ATG13: variants seen among roughly 807,000 people sequenced by gnomAD.
ATG13 encodes the protein autophagy-related protein 13.
A neutral mutation model predicts 65.5 loss-of-function variants in ATG13; 23 were observed. The observed-to-expected ratio is 0.35, with a 90% CI of 0.25 to 0.50. The LOEUF (loss-of-function observed/expected upper bound fraction) is 0.50, where lower values mean the gene tolerates loss of function less well. Ranked by LOEUF, ATG13 falls within the 20% of genes least tolerant of loss-of-function variation. ATG13 has a pLI of 0.98. For synonymous variants in ATG13, 252 were observed against 245.2 expected (o/e 1.03, Z -0.26); for missense variants, 566 against 677.0 (o/e 0.84, Z 1.82).
chr11:46,643,202 A>G (rs2056605888), intron 2 of ATG13, among the ~76,000 whole-genome samples: 1 of 152,272 alleles, frequency 6.6e-6, no homozygotes, highest in Admixed American at 6.5e-5. Context: ...GAGGGAGTTC[A>G]GGGGTTGGGG....
intron 2 of ATG13, among the ~76,000 whole-genome samples, chr11:46,636,107 G>C (rs904185518): frequency 6.6e-6 from 1 of 152,046 alleles, no homozygotes; most frequent in Non-Finnish European, 1.5e-5. Context: ...CAGTAGGTAA[G>C]TCATTTATAG....
intron 1 of ATG13, among the ~76,000 whole-genome samples, chr11:46,622,625 T>C (rs2048114335): frequency 6.6e-6 from 1 of 152,164 alleles, no homozygotes; most frequent in African/African-American, 2.4e-5. Context: ...GAAAAAAATA[T>C]AATCCATGGT....
intron 1 of ATG13, among the ~76,000 whole-genome samples, chr11:46,620,592 A>G (rs1591361443): frequency 6.6e-6 from 1 of 151,900 alleles, no homozygotes; most frequent in East Asian, 2.0e-4. Flanking sequence ...CTTGGGCAAC[A>G]TGGAGAAACC....
intron 7 of ATG13, among the ~76,000 whole-genome samples, chr11:46,653,871 G>A (rs1214464220): frequency 1.3e-5 from 2 of 152,110 alleles, no homozygotes; most frequent in South Asian, 2.1e-4. Context: ...GCCTGGCGAA[G>A]CTTCTTCATA....
chr11:46,656,216 T>C lies in ATG13; in HGVS notation c.459-17T>C. ...GTAAAGAATCAGGTAACATTTCTTATTTTTTCTTCCATACAGGATATATTT... is the reference window on the plus strand; with the variant it reads ...GTAAAGAATCAGGTAACATTTCTTACTTTTTCTTCCATACAGGATATATTT... On this transcript the variant is annotated splice_polypyrimidine_tract_variant and intron_variant, in intron 7 of 18. Coordinates refer to ENST00000683050, the MANE Select transcript of ATG13 (RefSeq NM_001346311.2). The C allele has an allele frequency of 1.2e-6, 2 of 1,609,838 alleles. No individual in the cohort carries two copies. Among genetic ancestry groups the C allele is most frequent in the Admixed American group, 1.7e-5 (1 of 59,834 alleles).
At chr11:46,634,686 C>T (rs987856056) in intron 2 of ATG13, among the ~76,000 whole-genome samples, 5 of 151,462 alleles carry the variant, frequency 3.3e-5, no homozygotes, top group African/African-American at 9.7e-5. Flanking sequence ...TGATCCACTG[C>T]GCCCAGCCTA....
At chr11:46,661,512 C>G (rs970772461) in intron 11 of ATG13, among the ~76,000 whole-genome samples, 4 of 110,058 alleles carry the variant, frequency 3.6e-5, no homozygotes, top group African/African-American at 8.9e-5. Context: ...AGTGAGACTC[C>G]GTCTCAAAAA....
rs145087207 is a variant in ATG13, at chr11:46,623,265, G to T, written c.-70+5375G>T. Among the ~76,000 whole-genome samples the T allele has an allele frequency of 6.3e-3, 960 of 152,236 alleles. 10 individuals are homozygous for T. The highest frequency in any genetic ancestry group is 0.015 in the African/African-American group (635 of 41,526). ...GCCGAGATTGTGCCACTGCACTCCA[G>T]TCTGGGCAACAGAGCAAGACCCCGT... On this transcript the variant is annotated intron_variant, in intron 1 of 18. Transcript: ENST00000683050.
At chr11:46,646,824 A>G (rs1431307906) in intron 5 of ATG13, among the ~76,000 whole-genome samples, 2 of 151,952 alleles carry the variant, frequency 1.3e-5, no homozygotes, top group Admixed American at 6.6e-5. Context: ...CAGTGGCACA[A>G]TCATGGCTCA....
chr11:46,647,498 G>C (rs1330023652), intron 5 of ATG13, among the ~76,000 whole-genome samples: 1 of 151,720 alleles, frequency 6.6e-6, no homozygotes, highest in Admixed American at 6.6e-5. Flanking sequence ...GGCTGGTCTC[G>C]AACTCCTGAC....
chr11:46,646,328 T>A (rs1194376427), intron 5 of ATG13, among the ~76,000 whole-genome samples: 1 of 152,172 alleles, frequency 6.6e-6, no homozygotes, highest in Non-Finnish European at 1.5e-5. Flanking sequence ...TTTGTATTTT[T>A]AGTAGAGACA....
intron 1 of ATG13, among the ~76,000 whole-genome samples, chr11:46,625,091 G>A (rs1485253488): frequency 2.0e-5 from 3 of 151,414 alleles, no homozygotes; most frequent in Admixed American, 6.6e-5. Flanking sequence ...ACTTTAGGAG[G>A]CCAAGATGGG....
At chr11:46,643,312 T>G (rs534691134) in intron 2 of ATG13, among the ~76,000 whole-genome samples, 2 of 152,164 alleles carry the variant, frequency 1.3e-5, no homozygotes, top group Non-Finnish European at 2.9e-5. Context: ...TCTACTACTT[T>G]TATACATGTT....
intron 18 of ATG13, among the ~76,000 whole-genome samples, chr11:46,671,744 G>GA (rs2063778493): frequency 6.6e-6 from 1 of 152,096 alleles, no homozygotes; most frequent in Non-Finnish European, 1.5e-5. Flanking sequence ...TCTGTCTCAA[G>GA]AAAAAAATTT....
intron 1 of ATG13, 48 bp from the exon 2 acceptor site, chr11:46,629,997 A>T (rs538350456): frequency 2.0e-5 from 3 of 152,206 alleles, no homozygotes; most frequent in Non-Finnish European, 4.4e-5. Flanking sequence ...TCTGTTGCCC[A>T]GGCTGTTGTG....
At chr11:46,641,447 A>G (rs1367288670) in intron 2 of ATG13, among the ~76,000 whole-genome samples, 1 of 152,248 alleles carries the variant, frequency 6.6e-6, no homozygotes, top group Non-Finnish European at 1.5e-5. Context: ...AACTGCTGCT[A>G]CATCCAACAA....
At chr11:46,629,519 C>G (rs2050929034) in intron 1 of ATG13, among the ~76,000 whole-genome samples, 1 of 151,992 alleles carries the variant, frequency 6.6e-6, no homozygotes, top group Non-Finnish European at 1.5e-5. Flanking sequence ...GCCTCAGCCT[C>G]CCAAGTAGCT....
intron 15 of ATG13, 46 bp downstream of exon 15, chr11:46,667,933 G>C: frequency 6.8e-7 from 1 of 1,476,178 alleles, no homozygotes; most frequent in Non-Finnish European, 9.4e-7. Flanking sequence ...TGAGTTCTTA[G>C]AGTAAGGCCC....
chr11:46,633,026 A>ATTTTTT (rs746504456), intron 2 of ATG13, among the ~76,000 whole-genome samples: 3 of 90,706 alleles, frequency 3.3e-5, no homozygotes, highest in African/African-American at 1.9e-4. Context: ...ATATATATAT[A>ATTTTTT]TTTTTTTTTT....
Sources: gnomAD v4.1 joint callset for allele counts (sites outside exome capture counted in the v4.1 genomes callset) on GRCh38, gnomAD v4.1.1 for gene constraint, MANE v1.5 for transcripts, NCBI Gene and HGNC (gene_info 2026-07-23, HGNC 2026-07-21) for gene names.